ADHFE1: variants seen among roughly 807,000 people sequenced by gnomAD.
The protein encoded by ADHFE1 is alcohol dehydrogenase iron containing 1, also known as hydroxyacid-oxoacid transhydrogenase, mitochondrial.
In ADHFE1, 37 loss-of-function variants were observed where a neutral mutation model predicts 54.8. The ratio of observed to expected loss-of-function variants is 0.68; its 90% CI spans 0.52 to 0.89. The LOEUF is 0.89. Ranked by LOEUF, ADHFE1 falls within the 40% of genes least tolerant of loss-of-function variation. ADHFE1 has a pLI of 0.00. For synonymous variants in ADHFE1, 203 were observed against 229.3 expected, an observed-to-expected ratio of 0.89 and a Z score of 1.04; for missense variants, 601 against 591.2, an observed-to-expected ratio of 1.02 and a Z score of -0.17.
chr8:66,453,068 G>C (rs1419500117), intron 9 of ADHFE1, among the ~76,000 whole-genome samples: 1 of 152,214 alleles, frequency 6.6e-6, no homozygotes, highest in Non-Finnish European at 1.5e-5. Flanking sequence ...GGACTCCCAG[G>C]ACAGCACAGC....
At chr8:66,446,545 A>G (rs1806033976) in intron 6 of ADHFE1, among the ~76,000 whole-genome samples, 2 of 152,242 alleles carry the variant, frequency 1.3e-5, no homozygotes, top group African/African-American at 4.8e-5. Flanking sequence ...CATGTTAACA[A>G]AGACACAGAA....
chr8:66,465,750 C>A (rs568852674), intron 13 of ADHFE1, among the ~76,000 whole-genome samples: 1 of 151,854 alleles, frequency 6.6e-6, no homozygotes, highest in Non-Finnish European at 1.5e-5. Context: ...CAGGCGTGCA[C>A]CACCACACCC....
intron 2 of ADHFE1, among the ~76,000 whole-genome samples, chr8:66,442,452 A>T (rs1451144506): frequency 1.3e-5 from 2 of 151,802 alleles, no homozygotes; most frequent in Non-Finnish European, 2.9e-5. Context: ...CTCGGACTAC[A>T]GGCGCTCGCC....
chr8:66,446,125 G>T (rs1171286902), intron 6 of ADHFE1, among the ~76,000 whole-genome samples: 1 of 152,108 alleles, frequency 6.6e-6, no homozygotes, highest in Non-Finnish European at 1.5e-5. Flanking sequence ...CTGCCCTATT[G>T]TGAAGAGGCC....
At position 66,452,043 on chromosome 8, in the gene ADHFE1, C is replaced by T. The variant is rs1806328140; in HGVS notation, c.825C>T (p.Ser275=). Residue 275 remains serine (S), a synonymous_variant, in exon 9 of 14, where the codon AGC becomes AGT. Transcript: ENST00000396623. The part of the protein sequence containing the change: ...NPITRPAYQG[S]NPISDIWAIH... ...TCACACGGCCTGCGTACCAGGGCAG[C>T]AACCCAATCAGTGACATTTGGGCTA... The T allele has an allele frequency of 1.2e-6, 2 of 1,614,088 alleles. No homozygotes were observed. Among genetic ancestry groups the T allele is most frequent in the African/African-American group, 1.3e-5 (1 of 74,924 alleles).
chr8:66,457,557 T>C (rs1297439417), intron 12 of ADHFE1, among the ~76,000 whole-genome samples: 2 of 151,032 alleles, frequency 1.3e-5, no homozygotes, highest in Middle Eastern at 3.2e-3. Flanking sequence ...AATGTCAGGC[T>C]GGGCACAGTG....
chr8:66,446,158 C>A (rs973146393), intron 6 of ADHFE1, among the ~76,000 whole-genome samples: 1 of 152,060 alleles, frequency 6.6e-6, no homozygotes, highest in African/African-American at 2.4e-5. Context: ...GTGAGTAAGT[C>A]GATGGCAGAT....
Position 66,437,708 on chromosome 8 carries a change from G to A in ADHFE1, c.60-2454G>A, listed in dbSNP as rs896406562. On this transcript the variant is annotated intron_variant, in intron 1 of 13. Coordinates refer to ENST00000396623, the MANE Select transcript of ADHFE1 (RefSeq NM_144650.3). ...GCACTTACTTGGTGCTAGCCACAGG[G>A]GATAAAGTTGTGAGAAACAGTAGAT... is the stretch of plus-strand genomic sequence containing the variant. Among the ~76,000 whole-genome samples the A allele has an allele frequency of 6.6e-5, 10 of 152,298 alleles. No homozygotes were observed. In the South Asian group the frequency reaches 2.1e-3, roughly 32 times the overall value.
intron 13 of ADHFE1, among the ~76,000 whole-genome samples, chr8:66,467,715 C>T (rs930873241): frequency 1.3e-5 from 2 of 152,058 alleles, no homozygotes; most frequent in African/African-American, 2.4e-5. Context: ...TGGATGTCTT[C>T]GCTGAATTGA....
chr8:66,452,206 G>C, intron 9 of ADHFE1, 101 bp downstream of exon 9: 7 of 1,455,770 alleles, frequency 4.8e-6, no homozygotes, highest in Non-Finnish European at 6.4e-6. Context: ...GAGCAGGTCT[G>C]TTCCAGAAAA....
chr8:66,439,473 G>A lies in ADHFE1; in HGVS notation c.60-689G>A. 5.1e-6 allele frequency: 5 copies of A among 986,202 alleles called. No homozygotes were observed. Among genetic ancestry groups the A allele is most frequent in the Non-Finnish European group, 6.0e-6 (5 of 830,398 alleles). 61.1% of individuals were successfully genotyped at this position (986,202 alleles called of 1,614,324 possible). A position where few individuals can be genotyped will look rare whatever the true frequency, so the allele number is the denominator to read the frequency against. On this transcript the variant is annotated intron_variant, in intron 1 of 13. Transcript: ENST00000396623. The surrounding 1 kb of genome is among the most constrained non-coding windows in gnomAD (Gnocchi z 4.4). ...GGGGAGGGAGGGTTTCCAAAAAGGA[G>A]GACGTGGGAAATCTGTAGAGAAGTC...
At position 66,443,264 on chromosome 8, in the gene ADHFE1, A is replaced by ATTTTT. The variant is rs540464621; in HGVS notation, c.144+448_144+452dup. Among the ~76,000 whole-genome samples the ATTTTT allele has an allele frequency of 3.7e-4, 32 of 86,090 alleles. 2 individuals carry two copies. Among genetic ancestry groups the ATTTTT allele is most frequent in the African/African-American group, 4.1e-4 (10 of 24,136 alleles). 56.5% of individuals were successfully genotyped at this position (86,090 alleles called of 152,430 possible). On this transcript the variant is annotated intron_variant, in intron 3 of 13. Transcript: ENST00000396623. ...GTCCCTGTCTCCTCCTAGTCCAGGAATTTTTTTTTTTTTTTTTTTTTTTTT... is the reference window on the plus strand; with the variant it reads ...GTCCCTGTCTCCTCCTAGTCCAGGAATTTTTTTTTTTTTTTTTTTTTTTTTTTTTT...
At chr8:66,465,232 C>G (rs1439100842) in intron 13 of ADHFE1, among the ~76,000 whole-genome samples, 2 of 151,966 alleles carry the variant, frequency 1.3e-5, no homozygotes, top group Non-Finnish European at 2.9e-5. Flanking sequence ...GGGTATATAC[C>G]TAGGAGTAGA....
rs201682456 is a variant in ADHFE1, at chr8:66,460,475, C to G, written c.1320+10C>G. On this transcript the variant is annotated intron_variant, in intron 13 of 13. Transcript: ENST00000396623. ...AGGAACGCTGCCCCAGGTAAGAGAC[C>G]GGCAGGCTCCTCACTCCCTGCGAAG... The G allele has an allele frequency of 1.8e-5, 28 of 1,564,726 alleles. No homozygotes were observed. Among genetic ancestry groups the G allele is most frequent in the Non-Finnish European group, 9.6e-6 (11 of 1,149,466 alleles).
chr8:66,441,566 G>T (rs982781103), intron 2 of ADHFE1, among the ~76,000 whole-genome samples: 3 of 152,156 alleles, frequency 2.0e-5, no homozygotes, highest in African/African-American at 7.2e-5. Context: ...TGACTGACCA[G>T]TATTGATATA....
Position 66,457,120 on chromosome 8 carries a change from G to T in ADHFE1, c.1116G>T (p.Thr372=), listed in dbSNP as rs2555588. ...VLTSPAVFTF[T]AQMFPERHLE... Reference sequence around the variant, plus strand: ...CGTCCCCAGCGGTGTTCACTTTCACGGCCCAGATGTTTCCAGAGCGACACC... The same window carrying T: ...CGTCCCCAGCGGTGTTCACTTTCACTGCCCAGATGTTTCCAGAGCGACACC... Residue 372 remains threonine, a synonymous_variant, in exon 12 of 14, where the codon ACG becomes ACT. Coordinates refer to ENST00000396623, the MANE Select transcript of ADHFE1 (RefSeq NM_144650.3). 1.4e-5 allele frequency: 22 copies of T among 1,613,210 alleles called. No individual in the cohort carries two copies. The highest frequency in any genetic ancestry group is 1.3e-4 in the South Asian group (12 of 91,018).
chr8:66,452,541 C>T (rs745399829), intron 9 of ADHFE1, among the ~76,000 whole-genome samples: 1 of 152,210 alleles, frequency 6.6e-6, no homozygotes, highest in Non-Finnish European at 1.5e-5. Context: ...GTAATCCCAG[C>T]ACTTTGGGAG....
rs1437084274 is a variant in ADHFE1 at position 66,457,180 on chromosome 8, C to T, written c.1162+14C>T. ...CAGAAATACTGGGTATGAACCATTACTCAAAATTCTGTGACCGGCCAGGCA... is the reference window on the plus strand; with the variant it reads ...CAGAAATACTGGGTATGAACCATTATTCAAAATTCTGTGACCGGCCAGGCA... On this transcript the variant is annotated intron_variant, in intron 12 of 13. Coordinates refer to ENST00000396623, the MANE Select transcript of ADHFE1 (RefSeq NM_144650.3). The T allele has an allele frequency of 6.2e-7, 1 of 1,606,578 alleles. No homozygotes were observed.
chr8:66,434,901 T>C (rs2555578), intron 1 of ADHFE1, among the ~76,000 whole-genome samples: 150,852 of 152,146 alleles, frequency 0.99, 74,787 homozygotes, highest in East Asian at 1. Flanking sequence ...ATCACTTGAA[T>C]CTGGGAGGCA....
Sources: gnomAD v4.1 joint callset for allele counts (sites outside exome capture counted in the v4.1 genomes callset) on GRCh38, gnomAD v4.1.1 for gene constraint, Gnocchi (gnomAD v3.1) non-coding constraint, MANE v1.5 for transcripts, NCBI Gene and HGNC (gene_info 2026-07-23, HGNC 2026-07-21) for gene names.